CLSTN1: variants seen among roughly 807,000 people sequenced by gnomAD.
The protein encoded by CLSTN1 is calsyntenin-1.
Under a neutral mutation model 108.3 loss-of-function variants are expected in CLSTN1, and 28 were observed. The observed-to-expected ratio is 0.26, with a 90% CI of 0.19 to 0.35. The LOEUF is 0.35. Ranked by LOEUF, CLSTN1 falls within the 10% of genes least tolerant of loss-of-function variation. The pLI, the probability that CLSTN1 is intolerant of heterozygous loss-of-function variation, is 1.00. For missense variants in CLSTN1, 1,157 were observed against 1,302.6 expected, an observed-to-expected ratio of 0.89 and a Z score of 1.72; for synonymous variants, 524 against 534.9, an observed-to-expected ratio of 0.98 and a Z score of 0.28.
chr1:9,768,703 C>T (rs1348025253), intron 2 of CLSTN1, among the ~76,000 whole-genome samples: 1 of 70,170 alleles, frequency 1.4e-5, no homozygotes, highest in Non-Finnish European at 2.6e-5. Context: ...GGGTGGGGTT[C>T]TGTGCTGGGT....
At chr1:9,739,751 G>A (rs533068986) in intron 10 of CLSTN1, among the ~76,000 whole-genome samples, 13 of 151,826 alleles carry the variant, frequency 8.6e-5, no homozygotes, top group African/African-American at 3.1e-4. Context: ...AGAATACACA[G>A]GTTTTTCTTT....
In CLSTN1 at chr1:9,812,092, G is replaced by A. The variant is rs185717715; in HGVS notation, c.91+11551C>T. On this transcript the variant is annotated intron_variant, in intron 1 of 18. Coordinates refer to ENST00000377298, the MANE Select transcript of CLSTN1 (RefSeq NM_001009566.3). ...GCAGAGCTTGCAGTGAGCCGAGATC[G>A]CACCACTGTACTCCAGGCTGGGCAA... is the stretch of plus-strand genomic sequence containing the variant. Among the ~76,000 whole-genome samples the A allele has an allele frequency of 9.2e-5, 14 of 152,076 alleles. No homozygotes were observed. The East Asian group carries it at 1.4e-3, about 15-fold the overall frequency.
intron 4 of CLSTN1, among the ~76,000 whole-genome samples, chr1:9,753,484 C>T (rs1356040259): frequency 6.6e-6 from 1 of 151,776 alleles, no homozygotes; most frequent in Non-Finnish European, 1.5e-5. Flanking sequence ...CTTCCACCAG[C>T]AGTGACTAAT....
intron 2 of CLSTN1, among the ~76,000 whole-genome samples, chr1:9,765,561 C>T (rs938487219): frequency 6.7e-6 from 1 of 150,288 alleles, no homozygotes; most frequent in African/African-American, 2.5e-5. Context: ...ACCCGGGAAA[C>T]GGAGACTCCA....
chr1:9,763,056 C>T (rs936468053), intron 2 of CLSTN1, among the ~76,000 whole-genome samples: 5 of 152,148 alleles, frequency 3.3e-5, no homozygotes, highest in South Asian at 4.1e-4. Flanking sequence ...CCACCTCCTG[C>T]GTTCAAGTGA....
chr1:9,816,631 T>G (rs1654983367), intron 1 of CLSTN1, among the ~76,000 whole-genome samples: 1 of 151,320 alleles, frequency 6.6e-6, no homozygotes, highest in South Asian at 2.1e-4. Context: ...CAGGCTGGAG[T>G]GCAGTGGCAT....
chr1:9,740,615 T>C (rs572087033), intron 10 of CLSTN1, among the ~76,000 whole-genome samples: 5 of 152,258 alleles, frequency 3.3e-5, no homozygotes, highest in Admixed American at 1.3e-4. Context: ...TCCCCACACG[T>C]GGCCCTTGCT....
chr1:9,800,295 T>C (rs1654201404), intron 1 of CLSTN1, among the ~76,000 whole-genome samples: 2 of 151,690 alleles, frequency 1.3e-5, no homozygotes, highest in East Asian at 3.9e-4. Flanking sequence ...AAAAGCTGGT[T>C]TTTTGAAAAG....
At chr1:9,748,771 G>T (rs1216639613) in intron 7 of CLSTN1, among the ~76,000 whole-genome samples, 1 of 151,400 alleles carries the variant, frequency 6.6e-6, no homozygotes, top group Non-Finnish European at 1.5e-5. Context: ...TTATAGGCAT[G>T]AGCCCCCATG....
intron 1 of CLSTN1, among the ~76,000 whole-genome samples, chr1:9,787,593 G>A (rs1030560650): frequency 5.3e-5 from 8 of 150,840 alleles, no homozygotes; most frequent in African/African-American, 9.7e-5. Context: ...TTAGAGAGAC[G>A]GGGTTTCACC....
At position 9,786,648 on chromosome 1, in the gene CLSTN1, C is replaced by CAAAAA. The variant is rs36003203; in HGVS notation, c.92-13259_92-13255dup. ...GGCTGACAAGAGTGAGACTCCGTCT[C>CAAAAA]AAAAAAAAAAAAAAAAAAAAAAAAA... On this transcript the variant is annotated intron_variant, in intron 1 of 18. Transcript: ENST00000377298. Among the ~76,000 whole-genome samples the CAAAAA allele has an allele frequency of 1.0e-3, 38 of 37,040 alleles. 1 individual carries two copies. The highest frequency in any genetic ancestry group is 2.7e-3 in the South Asian group (2 of 728). The allele number at this position is 37,040 out of a possible 152,430, so 24.3% of individuals were successfully genotyped here. A position where few individuals can be genotyped will look rare whatever the true frequency, so the allele number is the denominator to read the frequency against.
intron 1 of CLSTN1, among the ~76,000 whole-genome samples, chr1:9,779,701 A>G (rs971275001): frequency 6.6e-6 from 1 of 152,188 alleles, no homozygotes; most frequent in Admixed American, 6.6e-5. Context: ...TGCTGGGATT[A>G]CAAGTGTGAG....
rs767722800 is a variant in CLSTN1, at chr1:9,735,986, G to A, written c.1633C>T (p.Arg545Cys). The change falls in exon 12 of 19, where the codon CGT (arginine) becomes TGT (cysteine). Residue 545 changes from arginine to cysteine, a missense_variant. Arg to Cys is a radical substitution (Grantham distance 180). Coordinates refer to ENST00000377298, the MANE Select transcript of CLSTN1 (RefSeq NM_001009566.3). Reference sequence around the variant, plus strand: ...TTCTTATCCGCGAGTTTCCCGGAACGGAGAGTTAAGCCAGCCAGATTGCCT... The same window carrying A: ...TTCTTATCCGCGAGTTTCCCGGAACAGAGAGTTAAGCCAGCCAGATTGCCT... Reference protein sequence around the residue: ...FRGNLAGLTLRSGKLADKKVI... With the variant: ...FRGNLAGLTLCSGKLADKKVI... 58 of 1,614,072 alleles carry A rather than the reference G, an allele frequency of 3.6e-5. No individual in the cohort carries two copies. Among genetic ancestry groups the A allele is most frequent in the East Asian group, 6.7e-5 (3 of 44,896 alleles).
Position 9,734,403 on chromosome 1 carries a change from C to T in CLSTN1, c.2111-261G>A, listed in dbSNP as rs1331137045. On this transcript the variant is annotated intron_variant, in intron 14 of 18. Transcript: ENST00000377298. The surrounding 1 kb of genome is among the most constrained non-coding windows in gnomAD (Gnocchi z 4.8). ...CAGCCTGGCCAACAGGGTGAAAGCC[C>T]GTCTCTACTAAAAATACAAAAATTA... is the stretch of plus-strand genomic sequence containing the variant. Among the ~76,000 whole-genome samples, 2 of 152,018 alleles carry T rather than the reference C, an allele frequency of 1.3e-5. No homozygotes were observed. The highest frequency in any genetic ancestry group is 2.1e-4 in the South Asian group (1 of 4,812).
intron 2 of CLSTN1, among the ~76,000 whole-genome samples, chr1:9,771,814 A>T (rs1652697914): frequency 6.6e-6 from 1 of 152,152 alleles, no homozygotes; most frequent in Non-Finnish European, 1.5e-5. Flanking sequence ...CTGTGCTGAA[A>T]ATGTGATGTG....
At chr1:9,745,161 G>A (rs534225707) in intron 7 of CLSTN1, among the ~76,000 whole-genome samples, 38 of 151,294 alleles carry the variant, frequency 2.5e-4, no homozygotes, top group African/African-American at 7.3e-4. Flanking sequence ...CCCGGGAAGC[G>A]GAGCTTGCAG....
chr1:9,751,133 AAG>A (rs1238133889), intron 5 of CLSTN1, among the ~76,000 whole-genome samples: 1 of 152,122 alleles, frequency 6.6e-6, no homozygotes, highest in Admixed American at 6.6e-5. Context: ...ACTAAATGTA[AAG>A]GTCAGTCTCA....
At chr1:9,796,280 AAAAACAAAACAAAAC>A (rs1366097009) in intron 1 of CLSTN1, among the ~76,000 whole-genome samples, 1 of 147,044 alleles carries the variant, frequency 6.8e-6, no homozygotes, top group African/African-American at 2.6e-5. Context: ...AAAAAAAACA[AAAAACAAAACAAAAC>A]AAAAAAAAAA....
At chr1:9,738,850 TG>T (rs1374886640) in intron 10 of CLSTN1, among the ~76,000 whole-genome samples, 13 of 152,174 alleles carry the variant, frequency 8.5e-5, no homozygotes, top group Middle Eastern at 3.2e-3. Context: ...AGTTTCACCA[TG>T]TTGGCCAGGC....
Sources: gnomAD v4.1 joint callset for allele counts (sites outside exome capture counted in the v4.1 genomes callset) on GRCh38, gnomAD v4.1.1 for gene constraint, Gnocchi (gnomAD v3.1) non-coding constraint, MANE v1.5 for transcripts, NCBI Gene and HGNC (gene_info 2026-07-23, HGNC 2026-07-21) for gene names.